The following PLCL1 variants were observed in gnomAD, a reference collection of about 807,000 sequenced individuals.
PLCL1 encodes inactive phospholipase C-like protein 1.
In PLCL1, 41 loss-of-function variants were observed where a neutral mutation model predicts 84.4. That is an observed-to-expected ratio of 0.49 (90% CI 0.38 to 0.63). The LOEUF (loss-of-function observed/expected upper bound fraction) is 0.63. PLCL1 is among the 30% of genes least tolerant of loss of function. PLCL1 has a pLI of 0.00. For missense variants in PLCL1, 1,206 were observed against 1,367.8 expected (o/e 0.88, Z 1.87); for synonymous variants, 490 against 488.3 (o/e 1.00, Z -0.05).
intron 5 of PLCL1, among the ~76,000 whole-genome samples, chr2:198,116,652 A>G (rs772229120): frequency 7.2e-5 from 11 of 151,954 alleles, no homozygotes; most frequent in Non-Finnish European, 1.5e-4. Context: ...ACTTCCAGAA[A>G]GAAAAGACTC....
intron 1 of PLCL1, among the ~76,000 whole-genome samples, chr2:197,972,252 GT>G (rs1689885194): frequency 6.6e-6 from 1 of 152,206 alleles, no homozygotes; most frequent in Non-Finnish European, 1.5e-5. Flanking sequence ...CAAGTACAGG[GT>G]TTGTTTTGCA....
In PLCL1 at chr2:197,890,701, T is replaced by TATATATATATATACAC. The variant is rs11270566; in HGVS notation, c.240+85363_240+85364insTATATATATATACACA. On this transcript the variant is annotated intron_variant, in intron 1 of 5. Transcript: ENST00000428675. Reference sequence around the variant, plus strand: ...TTTTTGCTATATATATATATATATATACACACACACATATACGTATATATG... The same window carrying TATATATATATATACAC: ...TTTTTGCTATATATATATATATATATATATATATATATACACACACACACACATATACGTATATATG... 7.8e-4 allele frequency among the ~76,000 whole-genome samples: 93 copies of TATATATATATATACAC among 118,554 alleles called. 1 individual carries two copies. Among genetic ancestry groups the TATATATATATATACAC allele is most frequent in the African/African-American group, 1.7e-3 (45 of 26,216 alleles). 77.8% of individuals were successfully genotyped at this position (118,554 alleles called of 152,430 possible).
At chr2:198,019,420 G>A (rs1238951727) in intron 1 of PLCL1, among the ~76,000 whole-genome samples, 2 of 152,082 alleles carry the variant, frequency 1.3e-5, no homozygotes, top group Non-Finnish European at 2.9e-5. Context: ...TCAGAAGGTG[G>A]GTAATAACAA....
intron 5 of PLCL1, among the ~76,000 whole-genome samples, chr2:198,131,511 C>G (rs1694117899): frequency 6.6e-6 from 1 of 152,152 alleles, no homozygotes; most frequent in Admixed American, 6.5e-5. Flanking sequence ...CATATGAGGT[C>G]AAATCAAAGA....
Position 197,805,307 on chromosome 2 carries a change from C to G in PLCL1, c.208C>G (p.Arg70Gly), listed in dbSNP as rs1690449231. The G allele has an allele frequency of 7.7e-7, 1 of 1,305,280 alleles. No individual in the cohort carries two copies. The allele number at this position is 1,305,280 out of a possible 1,614,324, so 80.9% of individuals were successfully genotyped here. Residue 70 changes from arginine to glycine, a missense_variant, in exon 1 of 6, where the codon CGG becomes GGG. Physicochemically the swap from Arg to Gly is moderately radical, Grantham distance 125. Coordinates refer to ENST00000428675, the MANE Select transcript of PLCL1 (RefSeq NM_006226.4). The surrounding 1 kb of genome is among the most constrained non-coding windows in gnomAD (Gnocchi z 4.0). ...DSEAGLLEAA[R>G]ATPRRSSIIK... is the part of the protein sequence containing the mutation. ...CGAGGCGGGCCTCCTGGAGGCAGCA[C>G]GGGCGACCCCCCGGCGCAGCAGCAT...
At chr2:197,877,033 A>G (rs755260460) in intron 1 of PLCL1, among the ~76,000 whole-genome samples, 47 of 152,126 alleles carry the variant, frequency 3.1e-4, no homozygotes, top group Non-Finnish European at 6.0e-4. Flanking sequence ...GTGAGGTTCA[A>G]TAGATGATCC....
intron 1 of PLCL1, among the ~76,000 whole-genome samples, chr2:198,015,210 A>G (rs1690969573): frequency 6.6e-6 from 1 of 152,098 alleles, no homozygotes; most frequent in Non-Finnish European, 1.5e-5. Flanking sequence ...CTATCTATCT[A>G]TCTACAAATC....
intron 5 of PLCL1, among the ~76,000 whole-genome samples, chr2:198,113,728 C>T (rs547251412): frequency 6.6e-5 from 10 of 151,926 alleles, no homozygotes; most frequent in Middle Eastern, 3.4e-3. Flanking sequence ...AAAGATGTGC[C>T]GGACCTCTTC....
chr2:198,114,179 C>G (rs182091513), intron 5 of PLCL1, among the ~76,000 whole-genome samples: 19 of 151,978 alleles, frequency 1.3e-4, no homozygotes, highest in African/African-American at 4.6e-4. Context: ...GTTAATGCTT[C>G]TTAGCAATAG....
intron 1 of PLCL1, among the ~76,000 whole-genome samples, chr2:198,074,869 G>C (rs770854713): frequency 1.2e-4 from 18 of 152,142 alleles, no homozygotes; most frequent in African/African-American, 4.3e-4. Context: ...AAAAGTATGC[G>C]TCTATTTGAA....
Position 197,890,701 on chromosome 2 carries a change from T to TATATATATATATATATATATACAC in PLCL1, c.240+85363_240+85364insTATATATATATATATATATACACA, listed in dbSNP as rs11270566. Among the ~76,000 whole-genome samples, 95 of 118,536 alleles carry TATATATATATATATATATATACAC rather than the reference T, an allele frequency of 8.0e-4. 4 individuals carry two copies. The South Asian group carries it at 0.014, about 17-fold the overall frequency. The allele number at this position is 118,536 out of a possible 152,430, so 77.8% of individuals were successfully genotyped here. ...TTTTTGCTATATATATATATATATA[T>TATATATATATATATATATATACAC]ACACACACACATATACGTATATATG... On this transcript the variant is annotated intron_variant, in intron 1 of 5. Coordinates refer to ENST00000428675, the MANE Select transcript of PLCL1 (RefSeq NM_006226.4).
chr2:197,838,010 A>C (rs1691224218), intron 1 of PLCL1, among the ~76,000 whole-genome samples: 1 of 152,138 alleles, frequency 6.6e-6, no homozygotes, highest in South Asian at 2.1e-4. Context: ...GTGTTTAATA[A>C]TTTTTACATT....
At position 197,908,855 on chromosome 2, in the gene PLCL1, ATACTT is replaced by A. The variant is rs547955218; in HGVS notation, c.240+103519_240+103523del. 4.8e-3 allele frequency among the ~76,000 whole-genome samples: 725 copies of A among 152,326 alleles called. 7 individuals are homozygous for A. Among genetic ancestry groups the A allele is most frequent in the African/African-American group, 0.016 (675 of 41,576 alleles). ...TTAAAAATAGAAAATGTGTGTAAAA[ATACTT>A]TATATTTTGTTGAATAAAATATTCT... On this transcript the variant is annotated intron_variant, in intron 1 of 5. Coordinates refer to ENST00000428675, the MANE Select transcript of PLCL1 (RefSeq NM_006226.4).
chr2:198,055,329 C>CTG (rs71015806), intron 1 of PLCL1, among the ~76,000 whole-genome samples: 1,976 of 112,074 alleles, frequency 0.018, 54 homozygotes, highest in African/African-American at 0.051. Context: ...CTCTCTCTCT[C>CTG]TGTGTGTGTG....
chr2:198,079,907 T>C (rs1226934901), intron 1 of PLCL1, among the ~76,000 whole-genome samples: 1 of 152,216 alleles, frequency 6.6e-6, no homozygotes, highest in African/African-American at 2.4e-5. Flanking sequence ...GGCATGACAA[T>C]GCACTATTTA....
chr2:198,081,087 A>C (rs1313884670), intron 1 of PLCL1, among the ~76,000 whole-genome samples: 1 of 152,202 alleles, frequency 6.6e-6, no homozygotes, highest in East Asian at 1.9e-4. Context: ...AGGGCGATAG[A>C]CTGTGGAGAA....
Position 197,958,563 on chromosome 2 carries a change from T to G in PLCL1, c.241-125195T>G, listed in dbSNP as rs113276981. On this transcript the variant is annotated intron_variant, in intron 1 of 5. Transcript: ENST00000428675. ...GCATCTAACCACATTGATCTTTGCT[T>G]TAGAAAGTATTTCAAAATCTTTCAA... is the stretch of plus-strand genomic sequence containing the variant. Among the ~76,000 whole-genome samples the G allele has an allele frequency of 6.0e-3, 912 of 152,152 alleles. 6 individuals carry two copies. Among genetic ancestry groups the G allele is most frequent in the African/African-American group, 0.021 (873 of 41,530 alleles).
chr2:197,820,684 G>T (rs1339970283), intron 1 of PLCL1, among the ~76,000 whole-genome samples: 1 of 152,140 alleles, frequency 6.6e-6, no homozygotes, highest in African/African-American at 2.4e-5. Context: ...ATTTAAAACT[G>T]TCTAGATGTA....
At chr2:197,832,243 T>C (rs1439514237) in intron 1 of PLCL1, among the ~76,000 whole-genome samples, 2 of 151,618 alleles carry the variant, frequency 1.3e-5, no homozygotes, top group African/African-American at 4.9e-5. Flanking sequence ...ATTAACAAAA[T>C]AGATAGATGG....
Sources: allele counts gnomAD v4.1 joint callset (sites outside exome capture counted in the v4.1 genomes callset), GRCh38; gene constraint gnomAD v4.1.1; non-coding constraint Gnocchi (gnomAD v3.1); transcripts MANE v1.5; gene names NCBI Gene and HGNC (gene_info 2026-07-23, HGNC 2026-07-21).